The following PCDHA6 variants were observed in gnomAD, a reference collection of about 807,000 sequenced individuals.
The protein encoded by PCDHA6 is protocadherin alpha-6.
PCDHA6 carries 55 observed loss-of-function variants against 60.3 expected under a neutral mutation model. The observed-to-expected ratio is 0.91, with a 90% CI of 0.73 to 1.14. The LOEUF (loss-of-function observed/expected upper bound fraction) is 1.14, where lower values mean the gene tolerates loss of function less well. Ranked by LOEUF, PCDHA6 falls within the 50% of genes most tolerant of loss-of-function variation. The probability of loss-of-function intolerance (pLI) is 0.00; values close to 1 mark genes in which losing one functional copy is unlikely to be tolerated. For missense variants in PCDHA6, 1,327 were observed against 1,256.5 expected, an observed-to-expected ratio of 1.06 and a Z score of -0.85; for synonymous variants, 652 against 557.9, an observed-to-expected ratio of 1.17 and a Z score of -2.38.
At chr5:140,833,089 G>A (rs1772288607) in intron 1 of PCDHA6, among the ~76,000 whole-genome samples, 1 of 152,162 alleles carries the variant, frequency 6.6e-6, no homozygotes, top group South Asian at 2.1e-4. Context: ...TTGAGTACTA[G>A]ACGAGTAATT....
At chr5:140,849,896 C>A in intron 1 of PCDHA6, 1 of 1,598,590 alleles carries the variant, frequency 6.3e-7, no homozygotes, top group Non-Finnish European at 8.6e-7. Flanking sequence ...TGAAGGAGAA[C>A]AACCCGCCGG....
At chr5:140,850,104 G>A (rs2150467227) in intron 1 of PCDHA6, 1 of 1,596,106 alleles carries the variant, frequency 6.3e-7, no homozygotes, top group Non-Finnish European at 8.6e-7. Flanking sequence ...CCAGGTGAGC[G>A]CGCGCGACGC....
rs1285443769 is a variant in PCDHA6, at chr5:141,010,273, G to A, written c.*336G>A. 3.9e-6 allele frequency: 6 copies of A among 1,551,420 alleles called. No individual in the cohort carries two copies. The African/African-American group carries it at 8.2e-5, about 21-fold the overall frequency. Reference sequence around the variant, plus strand: ...CTCTGCCCTGTGCTCCGGGGATCCTGTCTTGATGACACTTGCAGGGCAGGC... The same window carrying A: ...CTCTGCCCTGTGCTCCGGGGATCCTATCTTGATGACACTTGCAGGGCAGGC... On this transcript the variant is annotated 3_prime_UTR_variant, in exon 4 of 4. Coordinates refer to ENST00000529310, the MANE Select transcript of PCDHA6 (RefSeq NM_018909.4).
intron 1 of PCDHA6, among the ~76,000 whole-genome samples, chr5:140,944,592 C>T (rs1225606041): frequency 2.6e-5 from 4 of 152,086 alleles, no homozygotes; most frequent in Non-Finnish European, 4.4e-5. Flanking sequence ...CAGAATTTCC[C>T]TGGGTAGAGT....
At chr5:140,877,299 C>T in intron 1 of PCDHA6, 1 of 1,613,922 alleles carries the variant, frequency 6.2e-7, no homozygotes. Flanking sequence ...GGCTGTCCTA[C>T]GAGTTGCAAC....
intron 1 of PCDHA6, chr5:140,848,846 C>G: frequency 6.3e-7 from 1 of 1,590,530 alleles, no homozygotes; most frequent in Non-Finnish European, 8.6e-7. Flanking sequence ...TGCAGGTTTT[C>G]CATGTGGACG....
intron 1 of PCDHA6, chr5:140,849,113 G>A: frequency 1.4e-6 from 2 of 1,434,592 alleles, no homozygotes; most frequent in Non-Finnish European, 1.9e-6. Context: ...AAGAAACTCC[G>A]GAGCTTCATT....
At chr5:140,896,033 A>G (rs994719566) in intron 1 of PCDHA6, among the ~76,000 whole-genome samples, 2 of 151,874 alleles carry the variant, frequency 1.3e-5, no homozygotes, top group East Asian at 1.9e-4. Flanking sequence ...CTGGTCTCGA[A>G]CTCCTGACCT....
At chr5:140,966,568 G>A (rs2096022635) in intron 1 of PCDHA6, 1 of 499,094 alleles carries the variant, frequency 2.0e-6, no homozygotes, top group African/African-American at 2.0e-5. Flanking sequence ...CTGGAATATG[G>A]GGAGTCAGCG....
chr5:140,959,532 T>C (rs919329459), intron 1 of PCDHA6, among the ~76,000 whole-genome samples: 1 of 152,198 alleles, frequency 6.6e-6, no homozygotes, highest in Admixed American at 6.5e-5. Context: ...GACCATTAAT[T>C]CAGAGATGCT....
intron 1 of PCDHA6, chr5:140,884,080 T>C (rs2059984285): frequency 6.2e-7 from 1 of 1,613,538 alleles, no homozygotes; most frequent in Non-Finnish European, 8.5e-7. Flanking sequence ...CGGGCTACAA[T>C]GCGTGGCTTT....
chr5:140,874,526 T>G (rs2054964457), intron 1 of PCDHA6, among the ~76,000 whole-genome samples: 1 of 152,242 alleles, frequency 6.6e-6, no homozygotes. Flanking sequence ...GTCAATGAGA[T>G]TAGGCTCCAA....
chr5:140,828,868 A>C lies in PCDHA6; in HGVS notation c.777A>C (p.Thr259=), dbSNP rs2150159901. 5 of 1,614,142 alleles carry C rather than the reference A, an allele frequency of 3.1e-6. No individual in the cohort carries two copies. The highest frequency in any genetic ancestry group is 1.7e-6 in the Non-Finnish European group (2 of 1,180,066). Reference sequence around the variant, plus strand: ...TATTCGAAAATGCAGACAACGGAACAACAGTTATCAGACTGAATGCTTCTG... The same window carrying C: ...TATTCGAAAATGCAGACAACGGAACCACAGTTATCAGACTGAATGCTTCTG... ...VRIFENADNG[T]TVIRLNASDR... The change falls in exon 1 of 4, where the codon ACA becomes ACC. Residue 259 remains threonine, a synonymous_variant. Coordinates refer to ENST00000529310, the MANE Select transcript of PCDHA6 (RefSeq NM_018909.4).
At chr5:140,830,772 A>G in intron 1 of PCDHA6, 1 of 169,878 alleles carries the variant, frequency 5.9e-6, no homozygotes, top group Non-Finnish European at 1.2e-5. Flanking sequence ...GAATCATAGT[A>G]GCATTTTTTT....
At chr5:140,956,195 G>A (rs1324151692) in intron 1 of PCDHA6, among the ~76,000 whole-genome samples, 1 of 152,178 alleles carries the variant, frequency 6.6e-6, no homozygotes, top group Non-Finnish European at 1.5e-5. Flanking sequence ...CTGAATAGGA[G>A]TGGTGAAAGA....
intron 1 of PCDHA6, chr5:140,870,608 C>G (rs1408684171): frequency 6.2e-7 from 1 of 1,613,106 alleles, no homozygotes; most frequent in African/African-American, 1.3e-5. Flanking sequence ...GGCGACCGCG[C>G]GCTGTCGAGC....
chr5:140,926,754 C>A, intron 1 of PCDHA6: 1 of 1,283,492 alleles, frequency 7.8e-7, no homozygotes. Context: ...TCGGCGGTCG[C>A]TGAGTATCCA....
chr5:140,897,435 A>G (rs1382805623), intron 1 of PCDHA6, among the ~76,000 whole-genome samples: 1 of 147,702 alleles, frequency 6.8e-6, no homozygotes, highest in Non-Finnish European at 1.5e-5. Flanking sequence ...GAGAACATGC[A>G]GTGTTTGGTT....
intron 1 of PCDHA6, chr5:140,851,368 A>T: frequency 1.0e-6 from 1 of 976,356 alleles, no homozygotes; most frequent in Non-Finnish European, 1.2e-6. Flanking sequence ...TGAACATCTG[A>T]TTGTTCAGCA....
Sources: gnomAD v4.1 joint callset for allele counts (sites outside exome capture counted in the v4.1 genomes callset) on GRCh38, gnomAD v4.1.1 for gene constraint, MANE v1.5 for transcripts, NCBI Gene and HGNC (gene_info 2026-07-23, HGNC 2026-07-21) for gene names.